Variants in ZBTB24 observed in about 807,000 individuals in gnomAD.
ZBTB24 encodes the protein zinc finger and BTB domain-containing protein 24.
Under a neutral mutation model 53.8 loss-of-function variants are expected in ZBTB24, and 32 were observed. The observed-to-expected ratio is 0.60, with a 90% CI of 0.45 to 0.80. The LOEUF is 0.80. Among genes scored for constraint, ZBTB24 ranks in the 30% least tolerant of loss-of-function variants. The pLI is 0.00. For synonymous variants in ZBTB24, 297 were observed against 306.7 expected, an observed-to-expected ratio of 0.97 and a Z score of 0.33; for missense variants, 722 against 837.1, an observed-to-expected ratio of 0.86 and a Z score of 1.70.
At position 109,481,740 on chromosome 6, in the gene ZBTB24, G is replaced by A; in HGVS notation, c.287C>T (p.Thr96Ile). Reference sequence around the variant, plus strand: ...TTTCTCACTGGCATGGAGATAACCTGTGTAGATAAATTCCAGCAGGATACC... The same window carrying A: ...TTTCTCACTGGCATGGAGATAACCTATGTAGATAAATTCCAGCAGGATACC... ...TFGILLEFIY[T>I]GYLHASEKST... The change falls in exon 2 of 7, where the codon ACA becomes ATA. Residue 96 changes from threonine to isoleucine, a missense_variant. Physicochemically the swap from Thr to Ile is moderately conservative, Grantham distance 89 (BLOSUM62 -1). Coordinates refer to ENST00000230122, the MANE Select transcript of ZBTB24 (RefSeq NM_014797.3). The A allele has an allele frequency of 6.2e-7, 1 of 1,614,184 alleles. No homozygotes were observed. Among genetic ancestry groups the A allele is most frequent in the Non-Finnish European group, 8.5e-7 (1 of 1,180,042 alleles).
intron 6 of ZBTB24, 87 bp from the exon 7 acceptor site, chr6:109,466,661 T>C: frequency 6.5e-7 from 1 of 1,542,250 alleles, no homozygotes; most frequent in Non-Finnish European, 8.8e-7. Flanking sequence ...TCAAGAGTAG[T>C]GGAAAATTAA....
intron 5 of ZBTB24, among the ~76,000 whole-genome samples, chr6:109,468,932 G>GAAAAAAAAA (rs61250996): frequency 1.7e-5 from 2 of 120,010 alleles, no homozygotes; most frequent in Non-Finnish European, 1.8e-5. Flanking sequence ...TGGAAAAAAA[G>GAAAAAAAAA]AAAAAAAAAA....
At chr6:109,469,710 G>A (rs920126600) in intron 5 of ZBTB24, among the ~76,000 whole-genome samples, 1 of 152,226 alleles carries the variant, frequency 6.6e-6, no homozygotes, top group East Asian at 1.9e-4. Flanking sequence ...AACTAATTAA[G>A]TAACATAGGG....
rs1776038165 is a variant in ZBTB24 at position 109,466,258 on chromosome 6, T to C, written c.1687A>G (p.Ile563Val). The change falls in exon 7 of 7, where the codon ATC becomes GTC. Residue 563 changes from isoleucine (I) to valine (V), a missense_variant. Ile to Val is a conservative substitution (Grantham distance 29, BLOSUM62 3). Transcript: ENST00000230122. ...TGGCTAGGACCGGGCATGAAATTGA[T>C]GTTATGTACAGAATCGGTTACGAGA... ...QLLVTDSVHN[I>V]NFMPGPSQGI... is the part of the protein sequence containing the mutation. The C allele has an allele frequency of 1.2e-6, 2 of 1,614,216 alleles. No homozygotes were observed. The highest frequency in any genetic ancestry group is 2.2e-5 in the East Asian group (1 of 44,888).
chr6:109,479,864 C>T (rs1018470017), intron 2 of ZBTB24, among the ~76,000 whole-genome samples: 2 of 139,282 alleles, frequency 1.4e-5, no homozygotes, highest in Admixed American at 8.0e-5. Context: ...TGCGGTGAGC[C>T]GAGATCGCGC....
chr6:109,467,905 T>C (rs1159213477), intron 5 of ZBTB24, among the ~76,000 whole-genome samples, 171 bp from the exon 6 acceptor site: 1 of 152,164 alleles, frequency 6.6e-6, no homozygotes, highest in East Asian at 1.9e-4. Context: ...ATATCTACTC[T>C]GTAACTAACC....
rs555584957 is a variant in ZBTB24 at position 109,468,413 on chromosome 6, C to G, written c.1289-679G>C. Reference sequence around the variant, plus strand: ...TACAAGCGATCATAGATCTGTACCCCATAAACCCTACTCCTCACCCCAAAC... The same window carrying G: ...TACAAGCGATCATAGATCTGTACCCGATAAACCCTACTCCTCACCCCAAAC... On this transcript the variant is annotated intron_variant, in intron 5 of 6. Transcript: ENST00000230122. Among the ~76,000 whole-genome samples the G allele has an allele frequency of 4.6e-5, 7 of 152,100 alleles. No homozygotes were observed. In the South Asian group the frequency reaches 1.5e-3, roughly 32 times the overall value.
Position 109,464,104 on chromosome 6 carries a change from A to G in ZBTB24, c.*1747T>C, listed in dbSNP as rs926429297. The G allele has an allele frequency of 1.3e-5, 2 of 152,226 alleles. No individual in the cohort carries two copies. Among genetic ancestry groups the G allele is most frequent in the Admixed American group, 1.3e-4 (2 of 15,286 alleles). The allele number at this position is 152,226 out of a possible 1,614,324, so 9.4% of individuals were successfully genotyped here. On this transcript the variant is annotated 3_prime_UTR_variant, in exon 7 of 7. Transcript: ENST00000230122. ...ACTTTGTGTTTTAAGAATAAAATTA[A>G]ACAGTTTAAACGAGAACCTGAAATA...
At chr6:109,476,011 C>A (rs1226331464) in intron 4 of ZBTB24, among the ~76,000 whole-genome samples, 164 bp downstream of exon 4, 1 of 152,174 alleles carries the variant, frequency 6.6e-6, no homozygotes, top group Non-Finnish European at 1.5e-5. Context: ...TGGTGGCGGA[C>A]AATAACATAA....
Position 109,475,426 on chromosome 6 carries a change from G to A in ZBTB24, c.1261C>T (p.Leu421=). Reference sequence around the variant, plus strand: ...GTGTGTGTTCGCAGATGTTTCTTTAGCTGAGACACATCCATGAATTTGCGA... The same window carrying A: ...GTGTGTGTTCGCAGATGTTTCTTTAACTGAGACACATCCATGAATTTGCGA... ...CHRKFMDVSQ[L]KKHLRTHTGE... Residue 421 remains leucine (L), a synonymous_variant, in exon 5 of 7, where the codon CTA becomes TTA. Coordinates refer to ENST00000230122, the MANE Select transcript of ZBTB24 (RefSeq NM_014797.3). 1 of 1,614,192 alleles carries A rather than the reference G, an allele frequency of 6.2e-7. No homozygotes were observed. The highest frequency in any genetic ancestry group is 1.1e-5 in the South Asian group (1 of 91,084).
In ZBTB24 at chr6:109,464,895, A is replaced by G. The variant is rs1177602707; in HGVS notation, c.*956T>C. 1 of 152,248 alleles carries G rather than the reference A, an allele frequency of 6.6e-6. No homozygotes were observed. Among genetic ancestry groups the G allele is most frequent in the African/African-American group, 2.4e-5 (1 of 41,474 alleles). 9.4% of individuals were successfully genotyped at this position (152,248 alleles called of 1,614,324 possible). The stretch of plus-strand genomic sequence containing the variant: ...GAATTATAAGCTTCCATCTCCAGAA[A>G]GTTATCAGACACAACACGTAGATCA... On this transcript the variant is annotated 3_prime_UTR_variant, in exon 7 of 7. Transcript: ENST00000230122.
intron 5 of ZBTB24, among the ~76,000 whole-genome samples, chr6:109,469,307 T>G (rs963439763): frequency 3.5e-4 from 54 of 152,358 alleles, no homozygotes; most frequent in Non-Finnish European, 4.3e-4. Context: ...TGTTGCAGTT[T>G]TCAGGTTTTT....
rs572328339 is a variant in ZBTB24, at chr6:109,467,752, AAAAACAAAAAACCC to A, written c.1289-32_1289-19del. 18 of 1,612,424 alleles carry A rather than the reference AAAAACAAAAAACCC, an allele frequency of 1.1e-5. No individual in the cohort carries two copies. In the African/African-American group the frequency reaches 2.3e-4, roughly 20 times the overall value. On this transcript the variant is annotated intron_variant, in intron 5 of 6. Coordinates refer to ENST00000230122, the MANE Select transcript of ZBTB24 (RefSeq NM_014797.3). Reference sequence around the variant, plus strand: ...CTTCTCACCTAAAAAAAACAAAAACAAAAACAAAAAACCCAAAACAAAAAAACATTTAACAATAT... The same window carrying A: ...CTTCTCACCTAAAAAAAACAAAAACAAAAACAAAAAAACATTTAACAATAT...
intron 4 of ZBTB24, 119 bp from the exon 5 acceptor site, chr6:109,475,601 CA>C: frequency 8.0e-7 from 1 of 1,245,972 alleles, no homozygotes. Context: ...ACTTTAACCA[CA>C]AAAATTTTTT....
chr6:109,466,210 C>T lies in ZBTB24; in HGVS notation c.1735G>A (p.Glu579Lys), dbSNP rs781753593. 10 of 1,614,220 alleles carry T rather than the reference C, an allele frequency of 6.2e-6. No individual in the cohort carries two copies. The highest frequency in any genetic ancestry group is 7.6e-6 in the Non-Finnish European group (9 of 1,180,048). Residue 579 changes from glutamate (E) to lysine (K), a missense_variant, in exon 7 of 7, where the codon GAG becomes AAG. Coordinates refer to ENST00000230122, the MANE Select transcript of ZBTB24 (RefSeq NM_014797.3). ...PSQGISIVTA[E>K]SSQNMTADQA... ...TCTGCAGTCATGTTTTGGGAACTCT[C>T]TGCAGTCACAATGCTGATTCCCTGG...
In ZBTB24 at chr6:109,466,573, CTCTG is replaced by C. The variant is rs752000420; in HGVS notation, c.1371-3_1371del. On this transcript the variant is annotated splice_acceptor_variant and splice_polypyrimidine_tract_variant and coding_sequence_variant and intron_variant, in exon 7 of 7. Transcript: ENST00000230122. LOFTEE classifies it high-confidence loss of function. Reference sequence around the variant, plus strand: ...ATGCCACAGGAGTATGGCTTTTCTCCTCTGTAAGAAAATAAACATTTTATTTTTA... The same window carrying C: ...ATGCCACAGGAGTATGGCTTTTCTCCTAAGAAAATAAACATTTTATTTTTA... 1 of 1,609,906 alleles carries C rather than the reference CTCTG, an allele frequency of 6.2e-7. No individual in the cohort carries two copies. The highest frequency in any genetic ancestry group is 8.5e-7 in the Non-Finnish European group (1 of 1,179,996).
In ZBTB24 at chr6:109,465,504, G is replaced by A. The variant is rs1776011260; in HGVS notation, c.*347C>T. 1.3e-6 allele frequency: 1 copy of A among 741,302 alleles called. No individual in the cohort carries two copies. The highest frequency in any genetic ancestry group is 2.9e-5 in the Admixed American group (1 of 33,928). 45.9% of individuals were successfully genotyped at this position (741,302 alleles called of 1,614,324 possible). ...TAGAAAACAAAAAAACATAACTGGG[G>A]AGGTTGGCAAGACCATAACCTATGG... is the stretch of plus-strand genomic sequence containing the variant. On this transcript the variant is annotated 3_prime_UTR_variant, in exon 7 of 7. Coordinates refer to ENST00000230122, the MANE Select transcript of ZBTB24 (RefSeq NM_014797.3).
intron 5 of ZBTB24, among the ~76,000 whole-genome samples, chr6:109,472,856 C>T (rs780953715): frequency 1.3e-5 from 2 of 152,250 alleles, no homozygotes; most frequent in South Asian, 2.1e-4. Context: ...CAATCATGAG[C>T]GAATCACATG....
chr6:109,481,971 T>G lies in ZBTB24; in HGVS notation c.56A>C (p.His19Pro). The change falls in exon 2 of 7, where the codon CAC becomes CCC. Residue 19 changes from histidine (H) to proline (P), a missense_variant. Transcript: ENST00000230122. ...SGQLVVHSDA[H>P]SDTVLASFED... ...AAAACTGGCCAGCACAGTGTCACTG[T>G]GAGCGTCTGAGTGTACAACAAGCTG... The G allele has an allele frequency of 6.2e-7, 1 of 1,614,246 alleles. No individual in the cohort carries two copies. The highest frequency in any genetic ancestry group is 8.5e-7 in the Non-Finnish European group (1 of 1,180,052).
Sources: gnomAD v4.1 joint callset for allele counts (sites outside exome capture counted in the v4.1 genomes callset) on GRCh38, gnomAD v4.1.1 for gene constraint, MANE v1.5 for transcripts, NCBI Gene and HGNC (gene_info 2026-07-23, HGNC 2026-07-21) for gene names.